The following ABTB3 variants were observed in gnomAD, a reference collection of about 807,000 sequenced individuals.
ABTB3 encodes the protein ankyrin repeat- and BTB/POZ domain-containing protein 3.
chr12:107,569,316 G>A, the ABTB3 span, among the ~76,000 whole-genome samples: 1 of 152,122 alleles, frequency 6.6e-6, no homozygotes, highest in Admixed American at 6.5e-5. Context: ...ATGTTCACTT[G>A]CAGAGAATTT....
chr12:107,629,625 C>A, the ABTB3 span, among the ~76,000 whole-genome samples: 1 of 146,490 alleles, frequency 6.8e-6, no homozygotes, highest in Admixed American at 6.8e-5. Flanking sequence ...CACCCACCCA[C>A]CCTCCTGGAC....
chr12:107,419,281 C>T, the ABTB3 span, among the ~76,000 whole-genome samples: 6 of 152,360 alleles, frequency 3.9e-5, no homozygotes, highest in East Asian at 7.7e-4. Context: ...TCTCCTCTTG[C>T]ATTCTATCCC....
chr12:107,337,752 T>C, the ABTB3 span, among the ~76,000 whole-genome samples: 1 of 152,238 alleles, frequency 6.6e-6, no homozygotes, highest in Non-Finnish European at 1.5e-5. Context: ...AATGCTCTGA[T>C]GACACCAAAA....
At chr12:107,501,247 G>A in the ABTB3 span, among the ~76,000 whole-genome samples, 1 of 152,136 alleles carries the variant, frequency 6.6e-6, no homozygotes, top group Admixed American at 6.5e-5. Context: ...TTATCTTGCT[G>A]CAACCCTGGA....
chr12:107,643,844 A>G, the ABTB3 span, among the ~76,000 whole-genome samples: 4 of 146,224 alleles, frequency 2.7e-5, no homozygotes, highest in African/African-American at 1.0e-4. Context: ...GCTCACGGCA[A>G]CCTCCACCTT....
chr12:107,561,188 C>A, the ABTB3 span, among the ~76,000 whole-genome samples: 1 of 152,176 alleles, frequency 6.6e-6, no homozygotes, highest in Admixed American at 6.5e-5. Context: ...GAATCCCGCC[C>A]TCTCCTTGCA....
At chr12:107,415,342 C>A in the ABTB3 span, among the ~76,000 whole-genome samples, 3 of 152,112 alleles carry the variant, frequency 2.0e-5, no homozygotes, top group African/African-American at 7.2e-5. Flanking sequence ...GTTTGTTCAT[C>A]GTCTGCCTCC....
chr12:107,635,249 C>A, the ABTB3 span: 1 of 1,585,102 alleles, frequency 6.3e-7, no homozygotes, highest in African/African-American at 1.3e-5. Flanking sequence ...CTGGCCACAG[C>A]CCCCTGTATC....
the ABTB3 span, among the ~76,000 whole-genome samples, chr12:107,552,115 C>G: frequency 2.0e-5 from 3 of 152,128 alleles, no homozygotes; most frequent in Non-Finnish European, 4.4e-5. Context: ...AGTTTTTGCC[C>G]CAGTTATATT....
chr12:107,405,593 G>A, the ABTB3 span, among the ~76,000 whole-genome samples: 79 of 152,374 alleles, frequency 5.2e-4, no homozygotes, highest in East Asian at 8.5e-3. Flanking sequence ...GGAGAGCTGC[G>A]AATGGCAGAC....
At chr12:107,362,010 C>T in the ABTB3 span, among the ~76,000 whole-genome samples, 1 of 152,132 alleles carries the variant, frequency 6.6e-6, no homozygotes, top group African/African-American at 2.4e-5. Flanking sequence ...AAAAGAAGCC[C>T]TCATTAGACA....
the ABTB3 span, among the ~76,000 whole-genome samples, chr12:107,561,859 G>A: frequency 6.6e-6 from 1 of 152,062 alleles, no homozygotes; most frequent in Non-Finnish European, 1.5e-5. Flanking sequence ...CTTCTGCCTG[G>A]ATTCTTTTCC....
chr12:107,458,638 T>C, the ABTB3 span, among the ~76,000 whole-genome samples: 12 of 152,056 alleles, frequency 7.9e-5, no homozygotes, highest in Admixed American at 7.9e-4. Flanking sequence ...TGCTGGGAGA[T>C]ACACATACAG....
chr12:107,391,738 A>C, the ABTB3 span, among the ~76,000 whole-genome samples: 1 of 152,286 alleles, frequency 6.6e-6, no homozygotes, highest in East Asian at 1.9e-4. Flanking sequence ...CCCAGTGTGC[A>C]TGTTGGTAGT....
At chr12:107,636,621 AT>A in the ABTB3 span, among the ~76,000 whole-genome samples, 1 of 152,204 alleles carries the variant, frequency 6.6e-6, no homozygotes, top group African/African-American at 2.4e-5. Context: ...GAAATGGAAA[AT>A]TTTAGCAGCT....
the ABTB3 span, among the ~76,000 whole-genome samples, chr12:107,580,265 C>T: frequency 6.6e-6 from 1 of 152,222 alleles, no homozygotes; most frequent in Non-Finnish European, 1.5e-5. Flanking sequence ...TGGGACAGGA[C>T]TCAAGTGTCA....
the ABTB3 span, chr12:107,610,348 G>A: frequency 6.2e-7 from 1 of 1,614,016 alleles, no homozygotes; most frequent in Non-Finnish European, 8.5e-7. Context: ...AACACCATGA[G>A]CGAACAGGTA....
the ABTB3 span, among the ~76,000 whole-genome samples, chr12:107,460,987 G>A: frequency 6.6e-6 from 1 of 152,154 alleles, no homozygotes; most frequent in Non-Finnish European, 1.5e-5. Flanking sequence ...CCAAGACTGG[G>A]TAATTTATAA....
chr12:107,514,086 T>C, the ABTB3 span, among the ~76,000 whole-genome samples: 1 of 152,204 alleles, frequency 6.6e-6, no homozygotes, highest in African/African-American at 2.4e-5. Context: ...ACCTATGAAG[T>C]AGATAGTTTA....
Sources: allele counts gnomAD v4.1 joint callset (sites outside exome capture counted in the v4.1 genomes callset), GRCh38; gene constraint gnomAD v4.1.1; transcripts MANE v1.5; gene names NCBI Gene and HGNC (gene_info 2026-07-23, HGNC 2026-07-21).